Variants in PRELID2 observed in about 807,000 individuals in gnomAD.
PRELID2 encodes the protein PRELI domain containing 2.
Under a neutral mutation model 28.4 loss-of-function variants are expected in PRELID2, and 25 were observed. The ratio of observed to expected loss-of-function variants is 0.88; its 90% CI spans 0.64 to 1.23. PRELID2 has a LOEUF of 1.23. PRELID2 is among the 50% of genes most tolerant of loss of function. The probability of loss-of-function intolerance (pLI) is 0.00; values close to 1 mark genes in which losing one functional copy is unlikely to be tolerated. For missense variants in PRELID2, 201 were observed against 214.4 expected, an observed-to-expected ratio of 0.94 and a Z score of 0.39; for synonymous variants, 76 against 71.6, an observed-to-expected ratio of 1.06 and a Z score of -0.31.
intron 1 of PRELID2, among the ~76,000 whole-genome samples, chr5:145,664,024 G>A (rs868610942): frequency 1.6e-4 from 24 of 152,096 alleles, no homozygotes; most frequent in African/African-American, 5.5e-4. Context: ...TTAAATCCAG[G>A]CCTCATCATT....
the PRELID2 span, among the ~76,000 whole-genome samples, chr5:145,381,918 G>GA: frequency 3.4e-5 from 5 of 145,898 alleles, no homozygotes; most frequent in East Asian, 2.0e-4. Context: ...TAGTCAAGAG[G>GA]AAAAAAAATC....
the PRELID2 span, among the ~76,000 whole-genome samples, chr5:145,256,704 A>C: frequency 6.6e-6 from 1 of 151,974 alleles, no homozygotes; most frequent in African/African-American, 2.4e-5. Context: ...AAAACACTGA[A>C]CTACTAAGAT....
rs144467649 is a variant in PRELID2, at chr5:145,569,341, G to A, written n.71-96026C>T. 6.1e-3 allele frequency among the ~76,000 whole-genome samples: 926 copies of A among 152,278 alleles called. 7 individuals carry two copies. The highest frequency in any genetic ancestry group is 9.8e-3 in the Non-Finnish European group (669 of 68,006). ...ATTCTAAACTTAAACTATTTTTAAT[G>A]TAACATGTCTGGGTGGATCCAGCCC... On this transcript the variant is annotated intron_variant and non_coding_transcript_variant, in intron 1 of 2. Coordinates refer to the PRELID2 transcript ENST00000510259.
Position 145,588,746 on chromosome 5 carries a change from A to G in PRELID2, n.71-115431T>C, listed in dbSNP as rs567263964. On this transcript the variant is annotated intron_variant and non_coding_transcript_variant, in intron 1 of 2. Transcript: ENST00000510259. ...CTGAGACGCCTGGATTCTCTCAAAA[A>G]TAGTGATGATGATCCCTTCCCATCC... Among the ~76,000 whole-genome samples, 3 of 152,178 alleles carry G rather than the reference A, an allele frequency of 2.0e-5. No homozygotes were observed. The East Asian group carries it at 5.8e-4, about 30-fold the overall frequency.
At chr5:145,737,776 T>TAACG (rs1756538578) in intron 1 of PRELID2, among the ~76,000 whole-genome samples, 1 of 152,030 alleles carries the variant, frequency 6.6e-6, no homozygotes, top group Non-Finnish European at 1.5e-5. Flanking sequence ...AGGATGTAAC[T>TAACG]TCAGGGAGGG....
At chr5:145,353,857 T>A in the PRELID2 span, among the ~76,000 whole-genome samples, 2 of 152,156 alleles carry the variant, frequency 1.3e-5, no homozygotes, top group Non-Finnish European at 2.9e-5. Flanking sequence ...TCAATTATGA[T>A]CATAAAAGAT....
intron 4 of PRELID2, among the ~76,000 whole-genome samples, chr5:145,811,307 T>C (rs923246965): frequency 4.0e-5 from 6 of 151,784 alleles, no homozygotes; most frequent in African/African-American, 1.5e-4. Context: ...AGCAAAACCA[T>C]ATCAGGGGTC....
chr5:145,397,920 T>C, the PRELID2 span, among the ~76,000 whole-genome samples: 8 of 152,272 alleles, frequency 5.3e-5, no homozygotes, highest in East Asian at 1.9e-4. Context: ...GGATACATCA[T>C]GCCTGATCCC....
chr5:145,667,715 G>A (rs1028884159), intron 1 of PRELID2, among the ~76,000 whole-genome samples: 1 of 152,018 alleles, frequency 6.6e-6, no homozygotes, highest in Non-Finnish European at 1.5e-5. Context: ...ACTTAGGCAA[G>A]TTATTTCAAC....
the PRELID2 span, among the ~76,000 whole-genome samples, chr5:145,407,252 T>C: frequency 6.6e-6 from 1 of 152,156 alleles, no homozygotes; most frequent in Non-Finnish European, 1.5e-5. Context: ...TCTCTGGATA[T>C]AAACTTGGTG....
chr5:145,698,840 C>T (rs779451706), intron 1 of PRELID2, among the ~76,000 whole-genome samples: 23 of 152,208 alleles, frequency 1.5e-4, no homozygotes, highest in Non-Finnish European at 2.9e-4. Flanking sequence ...AATTCTCCTG[C>T]CTCAGCCTTC....
At chr5:145,468,945 T>C (rs1752027428), downstream of PRELID2, among the ~76,000 whole-genome samples, 2 of 152,178 alleles carry the variant, frequency 1.3e-5, no homozygotes, top group Admixed American at 6.6e-5. Context: ...CAATTTTGGC[T>C]TTTGTTGTCA....
Position 145,635,979 on chromosome 5 carries a change from G to A in PRELID2, n.70+128952C>T, listed in dbSNP as rs975996721. On this transcript the variant is annotated intron_variant and non_coding_transcript_variant, in intron 1 of 2. Coordinates refer to the PRELID2 transcript ENST00000510259. ...TCTGCACTTGTGGCAGCTGAACCATGAGTGTGGACTCTTTGCAGGGAAAGT... is the reference window on the plus strand; with the variant it reads ...TCTGCACTTGTGGCAGCTGAACCATAAGTGTGGACTCTTTGCAGGGAAAGT... 1.4e-4 allele frequency among the ~76,000 whole-genome samples: 21 copies of A among 152,328 alleles called. 1 individual carries two copies. Among genetic ancestry groups the A allele is most frequent in the South Asian group, 6.2e-4 (3 of 4,826 alleles).
At chr5:145,563,842 A>G (rs1752943587) in intron 1 of PRELID2, among the ~76,000 whole-genome samples, 1 of 152,216 alleles carries the variant, frequency 6.6e-6, no homozygotes, top group Non-Finnish European at 1.5e-5. Context: ...GTAAGTCTAG[A>G]CATTTAATGT....
intron 1 of PRELID2, among the ~76,000 whole-genome samples, chr5:145,545,462 C>A (rs372871812): frequency 1.5e-5 from 2 of 137,650 alleles, no homozygotes; most frequent in African/African-American, 2.8e-5. Context: ...AAAAAAAAAA[C>A]CCTAATTTTC....
chr5:145,322,079 A>G, the PRELID2 span, among the ~76,000 whole-genome samples: 3 of 152,208 alleles, frequency 2.0e-5, no homozygotes, highest in Non-Finnish European at 4.4e-5. Flanking sequence ...TTTCACTCCA[A>G]ATAAATATTA....
chr5:145,632,179 C>T (rs1753942436), intron 1 of PRELID2, among the ~76,000 whole-genome samples: 1 of 152,148 alleles, frequency 6.6e-6, no homozygotes, highest in African/African-American at 2.4e-5. Flanking sequence ...TATCTCCCAT[C>T]CTTAGGTAAA....
In PRELID2 at chr5:145,758,727, T is replaced by C. The variant is rs1757336490; in HGVS notation, c.*1809A>G. 6.6e-6 allele frequency among the ~76,000 whole-genome samples: 1 copy of C among 151,962 alleles called. No homozygotes were observed. The highest frequency in any genetic ancestry group is 2.1e-4 in the South Asian group (1 of 4,832). On this transcript the variant is annotated 3_prime_UTR_variant, in exon 7 of 7. Coordinates refer to ENST00000683046, the MANE Select transcript of PRELID2 (RefSeq NM_205846.3). ...AGCCTACCAAATGCCATCTACAAAT[T>C]GGAAAAAAAAGGTCAAAGTGTGTTT...
chr5:145,235,481 T>G, the PRELID2 span, among the ~76,000 whole-genome samples: 2 of 152,158 alleles, frequency 1.3e-5, no homozygotes, highest in Admixed American at 1.3e-4. Flanking sequence ...CTCAGGGAAA[T>G]AGAGAATTGG....
Sources: allele counts gnomAD v4.1 joint callset (sites outside exome capture counted in the v4.1 genomes callset), GRCh38; gene constraint gnomAD v4.1.1; transcripts MANE v1.5; gene names NCBI Gene and HGNC (gene_info 2026-07-23, HGNC 2026-07-21).